NRG2: variants seen among roughly 807,000 people sequenced by gnomAD.
The protein encoded by NRG2 is pro-neuregulin-2, membrane-bound isoform.
In NRG2, 27 loss-of-function variants were observed where a neutral mutation model predicts 73.9. The ratio of observed to expected loss-of-function variants is 0.37; its 90% confidence interval spans 0.27 to 0.50. NRG2 has a LOEUF of 0.50. NRG2 is among the 20% of genes least tolerant of loss of function. NRG2 has a pLI of 0.96. For synonymous variants in NRG2, 532 were observed against 541.0 expected, an observed-to-expected ratio of 0.98 and a Z score of 0.23; for missense variants, 1,126 against 1,210.1, an observed-to-expected ratio of 0.93 and a Z score of 1.03.
intron 1 of NRG2, among the ~76,000 whole-genome samples, chr5:139,944,859 T>C (rs932252229): frequency 6.6e-6 from 1 of 152,206 alleles, no homozygotes; most frequent in African/African-American, 2.4e-5. Flanking sequence ...TGTACTAGTT[T>C]GCATTTCCAC....
At chr5:139,953,658 T>C (rs772122402) in intron 1 of NRG2, among the ~76,000 whole-genome samples, 13 of 152,134 alleles carry the variant, frequency 8.5e-5, no homozygotes, top group Non-Finnish European at 1.3e-4. Context: ...CTGGAGGCTA[T>C]GGGGTCTCAA....
At chr5:140,005,203 G>T (rs1758796218) in intron 1 of NRG2, among the ~76,000 whole-genome samples, 1 of 152,178 alleles carries the variant, frequency 6.6e-6, no homozygotes, top group East Asian at 1.9e-4. Context: ...TGAAGTATCT[G>T]TCTTCCCATA....
At chr5:139,914,096 C>T (rs2127202030) in intron 1 of NRG2, among the ~76,000 whole-genome samples, 1 of 152,288 alleles carries the variant, frequency 6.6e-6, no homozygotes, top group South Asian at 2.1e-4. Context: ...GTTGAGGCTG[C>T]TGTGAACAAC....
In NRG2 at chr5:139,847,045, G is replaced by A. The variant is rs1761042426; in HGVS notation, c.*872C>T. The stretch of plus-strand genomic sequence containing the variant: ...ATGGTGTTACTTTATTGCTAAAAGG[G>A]GAATACACTGTCGAGTGGCTCTTCT... On this transcript the variant is annotated 3_prime_UTR_variant, in exon 10 of 10. Coordinates refer to ENST00000361474, the MANE Select transcript of NRG2 (RefSeq NM_004883.3). 6.6e-6 allele frequency: 1 copy of A among 152,296 alleles called. No homozygotes were observed. Among genetic ancestry groups the A allele is most frequent in the Non-Finnish European group, 1.5e-5 (1 of 68,056 alleles). 9.4% of individuals were successfully genotyped at this position (152,296 alleles called of 1,614,324 possible). A position where few individuals can be genotyped will look rare whatever the true frequency, so the allele number is the denominator to read the frequency against.
intron 6 of NRG2, 143 bp downstream of exon 6, chr5:139,855,533 A>G (rs1761752121): frequency 1.4e-6 from 1 of 693,140 alleles, no homozygotes; most frequent in Non-Finnish European, 2.5e-6. Flanking sequence ...CCACCCAGCT[A>G]CAGAGGCCCC....
rs1240863126 is a variant in NRG2 at position 140,042,995 on chromosome 5, G to A, written c.75C>T (p.Ser25=). ...TGCTCCTCTCGCTGCTGCTGCTGCT[G>A]CTGTCGCTGTAGCTGCTGCACCGAC... ...EKGRCSSYSD[S]SSSSSERSSS... is the part of the protein sequence containing the mutation. The change falls in exon 1 of 10, where the codon AGC becomes AGT. Residue 25 remains serine, a synonymous_variant. Coordinates refer to ENST00000361474, the MANE Select transcript of NRG2 (RefSeq NM_004883.3). 6.4e-7 allele frequency: 1 copy of A among 1,563,004 alleles called. No homozygotes were observed. The highest frequency in any genetic ancestry group is 8.6e-7 in the Non-Finnish European group (1 of 1,158,778).
Position 140,042,928 on chromosome 5 carries a change from T to TGCTGCTGCTGCCGCTCTC in NRG2, c.124_141dup (p.Glu42_Ser47dup), listed in dbSNP as rs1167863866. 2 of 1,536,512 alleles carry TGCTGCTGCTGCCGCTCTC rather than the reference T, an allele frequency of 1.3e-6. No individual in the cohort carries two copies. Among genetic ancestry groups the TGCTGCTGCTGCCGCTCTC allele is most frequent in the Admixed American group, 3.9e-5 (2 of 50,892 alleles). On this transcript the variant is annotated inframe_insertion, in exon 1 of 10. Coordinates refer to ENST00000361474, the MANE Select transcript of NRG2 (RefSeq NM_004883.3). ...ATGCTGCTGTTGTTGCTGCTGCTCCTGCTGCTGCTGCCGCTCTCGCTGCTG... is the reference window on the plus strand; with the variant it reads ...ATGCTGCTGTTGTTGCTGCTGCTCCTGCTGCTGCTGCCGCTCTCGCTGCTGCTGCCGCTCTCGCTGCTG...
chr5:139,885,156 T>C (rs1763781499), intron 2 of NRG2, among the ~76,000 whole-genome samples: 2 of 152,254 alleles, frequency 1.3e-5, no homozygotes, highest in Admixed American at 6.5e-5. Context: ...TGTCTGGATA[T>C]GGAGACTTGG....
rs535544009 is a variant in NRG2, at chr5:140,027,977, C to A, written c.700+14393G>T. Among the ~76,000 whole-genome samples, 82 of 152,298 alleles carry A rather than the reference C, an allele frequency of 5.4e-4. 2 individuals carry two copies. Among genetic ancestry groups the A allele is most frequent in the African/African-American group, 1.9e-3 (78 of 41,564 alleles). On this transcript the variant is annotated intron_variant, in intron 1 of 9. Coordinates refer to ENST00000361474, the MANE Select transcript of NRG2 (RefSeq NM_004883.3). ...ATCATTCCCAGGCAATAGGACTGAGCCCTACTCACATGCCAGGCTGGATTT... is the reference window on the plus strand; with the variant it reads ...ATCATTCCCAGGCAATAGGACTGAGACCTACTCACATGCCAGGCTGGATTT...
chr5:140,031,654 T>A (rs748984121), intron 1 of NRG2, among the ~76,000 whole-genome samples: 7 of 151,950 alleles, frequency 4.6e-5, no homozygotes, highest in Non-Finnish European at 1.0e-4. Flanking sequence ...AAATAAACCC[T>A]CCTCTCTAAA....
intron 1 of NRG2, among the ~76,000 whole-genome samples, chr5:140,005,610 G>A (rs937750279): frequency 2.0e-5 from 3 of 152,184 alleles, no homozygotes; most frequent in African/African-American, 4.8e-5. Context: ...AAGAGTGCTC[G>A]TGGTCGTCAA....
intron 1 of NRG2, among the ~76,000 whole-genome samples, chr5:139,916,671 C>A (rs1425663206): frequency 6.6e-6 from 1 of 152,142 alleles, no homozygotes; most frequent in Non-Finnish European, 1.5e-5. Flanking sequence ...TGACTGCCTT[C>A]TTTCACTAGG....
intron 1 of NRG2, among the ~76,000 whole-genome samples, chr5:139,953,982 C>T (rs978013245): frequency 1.3e-5 from 2 of 152,038 alleles, no homozygotes; most frequent in Non-Finnish European, 2.9e-5. Flanking sequence ...GCACTGGAAA[C>T]CCGAAGAGAA....
At chr5:139,897,572 G>A (rs754547995) in intron 1 of NRG2, among the ~76,000 whole-genome samples, 7 of 152,098 alleles carry the variant, frequency 4.6e-5, no homozygotes, top group Non-Finnish European at 7.4e-5. Flanking sequence ...CTGCAGAATC[G>A]CCGTGTTTCC....
At position 139,848,585 on chromosome 5, in the gene NRG2, C is replaced by A. The variant is rs748595393; in HGVS notation, c.1885G>T (p.Val629Leu). 1 of 1,562,226 alleles carries A rather than the reference C, an allele frequency of 6.4e-7. No individual in the cohort carries two copies. The highest frequency in any genetic ancestry group is 2.5e-5 in the East Asian group (1 of 40,044). ...ATGGGCGCCGCCGGCGGCAGCGACA[C>A]GGCGTGCGCCGAGTTGGGGGACGTG... ...EITSPNSAHA[V>L]SLPPAAPISY... The change falls in exon 10 of 10, where the codon GTG (valine) becomes TTG (leucine). Residue 629 changes from valine (V) to leucine (L), a missense_variant. Around this residue, in one of 3 missense-constraint regions of NRG2, gnomAD observed 402 missense variants for 357.8 expected, o/e 1.12. Transcript: ENST00000361474.
intron 1 of NRG2, among the ~76,000 whole-genome samples, chr5:139,893,180 A>C (rs562113541): frequency 6.6e-6 from 1 of 152,360 alleles, no homozygotes; most frequent in South Asian, 2.1e-4. Context: ...CATTTTTCTC[A>C]GTCAATATAC....
At chr5:139,860,563 C>G (rs534314961) in intron 5 of NRG2, among the ~76,000 whole-genome samples, 1 of 152,184 alleles carries the variant, frequency 6.6e-6, no homozygotes, top group East Asian at 1.9e-4. Flanking sequence ...TACTTGACAC[C>G]GCAACACCCT....
At chr5:140,001,410 T>A (rs1261024016) in intron 1 of NRG2, among the ~76,000 whole-genome samples, 1 of 152,228 alleles carries the variant, frequency 6.6e-6, no homozygotes, top group Non-Finnish European at 1.5e-5. Context: ...ATACAGATCA[T>A]GTCTTAATTT....
intron 1 of NRG2, among the ~76,000 whole-genome samples, chr5:139,907,259 C>G (rs866339999): frequency 2.0e-5 from 3 of 151,962 alleles, no homozygotes; most frequent in African/African-American, 7.3e-5. Context: ...ATCTTAAGAG[C>G]AATGGTCTGC....
Sources: allele counts gnomAD v4.1 joint callset (sites outside exome capture counted in the v4.1 genomes callset), GRCh38; gene constraint gnomAD v4.1.1; regional missense constraint gnomAD v4.1.1; transcripts MANE v1.5; gene names NCBI Gene and HGNC (gene_info 2026-07-23, HGNC 2026-07-21).